The following PRKN variants were observed in gnomAD, a reference collection of about 807,000 sequenced individuals.
The protein encoded by PRKN is E3 ubiquitin-protein ligase parkin.
In PRKN, 56 loss-of-function variants were observed where a neutral mutation model predicts 59.5. The observed-to-expected ratio is 0.94, with a 90% CI of 0.76 to 1.18. The LOEUF is 1.18. PRKN is among the 50% of genes most tolerant of loss of function. The probability of loss-of-function intolerance (pLI) is 0.00; values close to 1 mark genes in which losing one functional copy is unlikely to be tolerated. For synonymous variants in PRKN, 250 were observed against 222.1 expected (o/e 1.13, Z -1.12); for missense variants, 657 against 596.4 (o/e 1.10, Z -1.06).
chr6:161,430,168 T>G (rs1421440266), intron 9 of PRKN, among the ~76,000 whole-genome samples: 2 of 152,196 alleles, frequency 1.3e-5, no homozygotes, highest in Admixed American at 1.3e-4. Flanking sequence ...TTGTCTTTGT[T>G]ATAAGCAAAC....
chr6:161,866,507 G>A (rs1027351294), intron 6 of PRKN, among the ~76,000 whole-genome samples: 3 of 152,022 alleles, frequency 2.0e-5, no homozygotes, highest in Admixed American at 6.6e-5. Context: ...CCCGGGAGGC[G>A]GAGCTTGCAG....
chr6:162,012,205 C>T (rs9365360), intron 5 of PRKN, among the ~76,000 whole-genome samples: 110,625 of 151,952 alleles, frequency 0.73, 40,883 homozygotes, highest in African/African-American at 0.84. Flanking sequence ...AATTTTAAAA[C>T]AACTTCAGAT....
intron 2 of PRKN, among the ~76,000 whole-genome samples, chr6:162,342,476 T>G (rs552313850): frequency 6.6e-6 from 1 of 152,318 alleles, no homozygotes; most frequent in East Asian, 1.9e-4. Context: ...GAGGTGCTAT[T>G]ATGATAAATA....
intron 2 of PRKN, among the ~76,000 whole-genome samples, chr6:162,400,281 TG>T (rs1344001913): frequency 2.0e-5 from 3 of 151,310 alleles, no homozygotes; most frequent in African/African-American, 4.8e-5. Context: ...AATAACACTT[TG>T]TAATAAAAGG....
chr6:161,720,806 T>C (rs2128185204), intron 7 of PRKN, among the ~76,000 whole-genome samples: 1 of 152,286 alleles, frequency 6.6e-6, no homozygotes, highest in East Asian at 1.9e-4. Flanking sequence ...TGTATATTTC[T>C]TCATTCATCC....
intron 1 of PRKN, among the ~76,000 whole-genome samples, chr6:162,497,664 G>A (rs1166252353): frequency 6.6e-6 from 1 of 152,192 alleles, no homozygotes; most frequent in Non-Finnish European, 1.5e-5. Flanking sequence ...GTTGAGCCGT[G>A]TCTTTGCTGA....
chr6:162,344,546 C>T (rs1238400862), intron 2 of PRKN, among the ~76,000 whole-genome samples: 1 of 151,954 alleles, frequency 6.6e-6, no homozygotes, highest in Non-Finnish European at 1.5e-5. Context: ...CCATCACTGC[C>T]CTCACAGCTG....
intron 2 of PRKN, among the ~76,000 whole-genome samples, chr6:162,355,253 T>C (rs1388249963): frequency 2.0e-5 from 3 of 151,032 alleles, no homozygotes; most frequent in Non-Finnish European, 4.4e-5. Flanking sequence ...AAAACATAAT[T>C]ATGTTTTAGA....
At chr6:161,594,717 C>A (rs1781851460) in intron 7 of PRKN, among the ~76,000 whole-genome samples, 1 of 108,658 alleles carries the variant, frequency 9.2e-6, no homozygotes, top group African/African-American at 4.6e-5. Context: ...TATGAAATTT[C>A]AAGTTGACTG....
rs926761360 is a variant in PRKN, at chr6:162,623,934, A to C, written c.7+103728T>G. The stretch of plus-strand genomic sequence containing the variant: ...TCATTCAGGGTCCTGAGATACCACA[A>C]AGACACCGTTTTTCTCAAACAAAAC... On this transcript the variant is annotated intron_variant, in intron 1 of 11. Coordinates refer to ENST00000366898, the MANE Select transcript of PRKN (RefSeq NM_004562.3). Among the ~76,000 whole-genome samples, 11 of 152,094 alleles carry C rather than the reference A, an allele frequency of 7.2e-5. No homozygotes were observed. The East Asian group carries it at 1.7e-3, about 24-fold the overall frequency.
At chr6:162,023,449 A>G (rs76030633) in intron 5 of PRKN, among the ~76,000 whole-genome samples, 2,888 of 152,122 alleles carry the variant, frequency 0.019, 103 homozygotes, top group African/African-American at 0.065. Flanking sequence ...TTTTCCCTGG[A>G]GTCGGGCTGC....
At chr6:162,232,104 C>A (rs1290133631) in intron 3 of PRKN, among the ~76,000 whole-genome samples, 3 of 152,092 alleles carry the variant, frequency 2.0e-5, no homozygotes, top group Non-Finnish European at 2.9e-5. Context: ...ATCACTTTCC[C>A]AGAACAGGGA....
chr6:161,729,088 T>C (rs1266237769), intron 7 of PRKN, among the ~76,000 whole-genome samples: 1 of 152,218 alleles, frequency 6.6e-6, no homozygotes, highest in African/African-American at 2.4e-5. Flanking sequence ...ATTCTTCCTT[T>C]GTTCAACTCT....
chr6:162,403,145 T>C (rs1787881601), intron 2 of PRKN, among the ~76,000 whole-genome samples: 1 of 152,198 alleles, frequency 6.6e-6, no homozygotes, highest in African/African-American at 2.4e-5. Context: ...GTTTACAGCA[T>C]GTCCATGAAC....
intron 4 of PRKN, among the ~76,000 whole-genome samples, chr6:162,082,996 C>T (rs764587426): frequency 5.9e-5 from 9 of 152,004 alleles, no homozygotes; most frequent in Non-Finnish European, 1.0e-4. Context: ...TTTTGTATTG[C>T]TCAGGCTGGA....
chr6:162,012,831 A>G (rs1000217894), intron 5 of PRKN, among the ~76,000 whole-genome samples: 3 of 152,064 alleles, frequency 2.0e-5, no homozygotes, highest in South Asian at 2.1e-4. Flanking sequence ...ATGTTCCTCA[A>G]TCTGGGTTTG....
chr6:161,960,739 T>G (rs1780348454), intron 6 of PRKN, among the ~76,000 whole-genome samples: 1 of 152,196 alleles, frequency 6.6e-6, no homozygotes, highest in South Asian at 2.1e-4. Context: ...CAATCTGTCT[T>G]GCTTTGTTAG....
chr6:161,874,097 T>A (rs9458408), intron 6 of PRKN, among the ~76,000 whole-genome samples: 1 of 64,008 alleles, frequency 1.6e-5, no homozygotes, highest in Non-Finnish European at 2.5e-5. Flanking sequence ...TAATATATAA[T>A]ATATATTATA....
chr6:162,594,381 CATGAT>C (rs1562418457), intron 1 of PRKN, among the ~76,000 whole-genome samples: 1 of 152,096 alleles, frequency 6.6e-6, no homozygotes, highest in Non-Finnish European at 1.5e-5. Flanking sequence ...GATCTCAATT[CATGAT>C]ATGATATCCA....
Sources: gnomAD v4.1 joint callset for allele counts (sites outside exome capture counted in the v4.1 genomes callset) on GRCh38, gnomAD v4.1.1 for gene constraint, MANE v1.5 for transcripts, NCBI Gene and HGNC (gene_info 2026-07-23, HGNC 2026-07-21) for gene names.